WASF1: variants seen among roughly 807,000 people sequenced by gnomAD.
WASF1 encodes the protein WASP family member 1.
A neutral mutation model predicts 50.5 loss-of-function variants in WASF1; 7 were observed. The ratio of observed to expected loss-of-function variants is 0.14; its 90% CI spans 0.08 to 0.26. The LOEUF (loss-of-function observed/expected upper bound fraction) is 0.26, where lower values mean the gene tolerates loss of function less well. Among genes scored for constraint, WASF1 ranks in the 10% least tolerant of loss-of-function variants. The probability of loss-of-function intolerance (pLI) is 1.00; values close to 1 mark genes in which losing one functional copy is unlikely to be tolerated. For synonymous variants in WASF1, 205 were observed against 244.0 expected, an observed-to-expected ratio of 0.84 and a Z score of 1.49; for missense variants, 470 against 694.7, an observed-to-expected ratio of 0.68 and a Z score of 3.64.
intron 3 of WASF1, among the ~76,000 whole-genome samples, chr6:110,138,443 T>C (rs1356730043): frequency 1.3e-5 from 2 of 152,254 alleles, no homozygotes; most frequent in Non-Finnish European, 2.9e-5. Flanking sequence ...CTCTGTGTTA[T>C]AGCTCTTCCA....
Position 110,113,422 on chromosome 6 carries a change from C to T in WASF1, c.172G>A (p.Glu58Lys). 6.2e-7 allele frequency: 1 copy of T among 1,602,194 alleles called. No individual in the cohort carries two copies. Among genetic ancestry groups the T allele is most frequent in the Non-Finnish European group, 8.5e-7 (1 of 1,174,958 alleles). ...AEDIFGELFN[E>K]AHSFSFRVNS... ...ACTCTGAAGGAAAAACTATGTGCTT[C>T]ATTGAATAATTCTCCAAATATATCT... The change falls in exon 5 of 11, where the codon GAA becomes AAA. Residue 58 changes from glutamate to lysine, a missense_variant. Glu to Lys is a moderately conservative substitution (Grantham distance 56). This residue lies in a region of WASF1 where 140 missense variants were observed against 260.5 expected (regional missense o/e 0.54). Transcript: ENST00000392589.
At chr6:110,145,691 G>T (rs1265789267) in intron 3 of WASF1, among the ~76,000 whole-genome samples, 2 of 152,056 alleles carry the variant, frequency 1.3e-5, no homozygotes, top group Admixed American at 1.3e-4. Flanking sequence ...TTTTGTCAAA[G>T]GCCTTTTCTG....
intron 3 of WASF1, among the ~76,000 whole-genome samples, chr6:110,159,012 CT>C (rs1776148680): frequency 1.3e-5 from 2 of 151,916 alleles, no homozygotes; most frequent in South Asian, 4.1e-4. Flanking sequence ...GTTTCTTACA[CT>C]ATTTCAGTTT....
intron 4 of WASF1, among the ~76,000 whole-genome samples, chr6:110,123,930 T>A (rs984275831): frequency 2.0e-5 from 3 of 152,066 alleles, no homozygotes. Context: ...ATCCCTTAGG[T>A]ATTCAGAATC....
chr6:110,171,104 C>T (rs1776695181), intron 2 of WASF1, among the ~76,000 whole-genome samples: 1 of 152,106 alleles, frequency 6.6e-6, no homozygotes, highest in African/African-American at 2.4e-5. Flanking sequence ...TTATACAGTA[C>T]TTCAACCAAC....
chr6:110,143,932 T>C (rs929581850), intron 3 of WASF1, among the ~76,000 whole-genome samples: 3 of 152,242 alleles, frequency 2.0e-5, no homozygotes, highest in Non-Finnish European at 4.4e-5. Flanking sequence ...TACGTGTGCA[T>C]GTGTCTTTAT....
rs182250213 is a variant in WASF1, at chr6:110,122,292, A to G, written c.133+5177T>C. On this transcript the variant is annotated intron_variant, in intron 4 of 10. Transcript: ENST00000392589. Reference sequence around the variant, plus strand: ...AAGTGGTGTCAGAAAACAAATTGACATTAGAGAATCTGGCAAAAGCGTTCC... The same window carrying G: ...AAGTGGTGTCAGAAAACAAATTGACGTTAGAGAATCTGGCAAAAGCGTTCC... Among the ~76,000 whole-genome samples the G allele has an allele frequency of 1.2e-4, 18 of 152,010 alleles. No individual in the cohort carries two copies. The East Asian group carries it at 3.5e-3, about 29-fold the overall frequency.
rs752751701 is a variant in WASF1 at position 110,102,070 on chromosome 6, G to A, written c.1040C>T (p.Thr347Ile). The change falls in exon 10 of 11, where the codon ACT (threonine) becomes ATT (isoleucine). Residue 347 changes from threonine (T) to isoleucine (I), a missense_variant. Around this residue, in one of 3 missense-constraint regions of WASF1, gnomAD observed 294 missense variants for 343.5 expected, o/e 0.86. Coordinates refer to ENST00000392589, the MANE Select transcript of WASF1 (RefSeq NM_003931.3). ...TGGGGGAGGTACTGGAGGGGGAGGA[G>A]TTGAAGTCATTGAAGCTCTTAATGA... is the stretch of plus-strand genomic sequence containing the variant. ...TSSLRASMTS[T>I]PPPPVPPPPP... 31 of 1,514,650 alleles carry A rather than the reference G, an allele frequency of 2.0e-5. No individual in the cohort carries two copies. The highest frequency in any genetic ancestry group is 2.7e-5 in the Non-Finnish European group (31 of 1,132,954). The allele number at this position is 1,514,650 out of a possible 1,614,324, so 93.8% of individuals were successfully genotyped here.
At position 110,101,575 on chromosome 6, in the gene WASF1, C is replaced by A; in HGVS notation, c.1522+13G>T. ...TACTATAGCAATGCTTTTCATGGAGCTGAGAAAATTACCTTTTCGTATTGC... is the reference window on the plus strand; with the variant it reads ...TACTATAGCAATGCTTTTCATGGAGATGAGAAAATTACCTTTTCGTATTGC... On this transcript the variant is annotated intron_variant, in intron 10 of 10. Coordinates refer to ENST00000392589, the MANE Select transcript of WASF1 (RefSeq NM_003931.3). 2 of 1,595,610 alleles carry A rather than the reference C, an allele frequency of 1.3e-6. No individual in the cohort carries two copies. The highest frequency in any genetic ancestry group is 1.7e-5 in the Admixed American group (1 of 58,814).
rs1178883568 is a variant in WASF1 at position 110,117,844 on chromosome 6, G to T, written c.134-4384C>A. Among the ~76,000 whole-genome samples the T allele has an allele frequency of 2.0e-5, 3 of 152,138 alleles. No individual in the cohort carries two copies. In the East Asian group the frequency reaches 5.8e-4, roughly 29 times the overall value. On this transcript the variant is annotated intron_variant, in intron 4 of 10. Transcript: ENST00000392589. Reference sequence around the variant, plus strand: ...CAGAAACCCTACAAGCCAGAAGAGAGTGGGGGCCAATATTCAACATTCTTA... The same window carrying T: ...CAGAAACCCTACAAGCCAGAAGAGATTGGGGGCCAATATTCAACATTCTTA...
At chr6:110,129,305 A>G (rs1254773012) in intron 3 of WASF1, among the ~76,000 whole-genome samples, 2 of 152,148 alleles carry the variant, frequency 1.3e-5, no homozygotes, top group African/African-American at 4.8e-5. Flanking sequence ...AGCAAAAAAC[A>G]AAAAAACAAA....
chr6:110,162,335 A>G (rs1376058563), intron 2 of WASF1, among the ~76,000 whole-genome samples: 1 of 151,148 alleles, frequency 6.6e-6, no homozygotes, highest in Non-Finnish European at 1.5e-5. Context: ...AAGATTTGTC[A>G]CGCAGACAAC....
chr6:110,176,861 A>G (rs1776950548), intron 2 of WASF1, among the ~76,000 whole-genome samples: 1 of 152,074 alleles, frequency 6.6e-6, no homozygotes, highest in Non-Finnish European at 1.5e-5. Flanking sequence ...GTAACTTTAA[A>G]CACACTTTAA....
rs938752430 is a variant in WASF1, at chr6:110,179,488, C to A, written c.-321G>T. 5 of 152,156 alleles carry A rather than the reference C, an allele frequency of 3.3e-5. No homozygotes were observed. Among genetic ancestry groups the A allele is most frequent in the Non-Finnish European group, 5.9e-5 (4 of 68,058 alleles). 9.4% of individuals were successfully genotyped at this position (152,156 alleles called of 1,614,324 possible). ...TTACCCCTTCTTCATGCTTCGGCAG[C>A]GGTCGCCGGTCCCCCTCGGCTCGCG... On this transcript the variant is annotated 5_prime_UTR_variant, in exon 1 of 11. Transcript: ENST00000392589.
chr6:110,106,439 G>T (rs556565026), intron 7 of WASF1, among the ~76,000 whole-genome samples: 2 of 152,346 alleles, frequency 1.3e-5, no homozygotes, highest in African/African-American at 4.8e-5. Flanking sequence ...AGGAGAACCA[G>T]AGAGATGATA....
Position 110,113,269 on chromosome 6 carries a change from CA to C in WASF1, c.268+56del, listed in dbSNP as rs1197310789. ...GATTAATACTGTTAAGTATATCATTCATCTCATCTAACTTAAAATATATACG... is the reference window on the plus strand; with the variant it reads ...GATTAATACTGTTAAGTATATCATTCTCTCATCTAACTTAAAATATATACG... On this transcript the variant is annotated intron_variant, in intron 5 of 10. Transcript: ENST00000392589. 8 of 1,367,414 alleles carry C rather than the reference CA, an allele frequency of 5.9e-6. No homozygotes were observed. The African/African-American group carries it at 9.0e-5, about 15-fold the overall frequency. 84.7% of individuals were successfully genotyped at this position (1,367,414 alleles called of 1,614,324 possible).
intron 2 of WASF1, among the ~76,000 whole-genome samples, chr6:110,170,071 C>T (rs1024505968): frequency 1.3e-5 from 2 of 151,986 alleles, no homozygotes; most frequent in African/African-American, 4.8e-5. Context: ...GACTTCTCCT[C>T]GGTAATCATA....
At position 110,179,515 on chromosome 6, in the gene WASF1, G is replaced by A. The variant is rs1777112188; in HGVS notation, c.-348C>T. On this transcript the variant is annotated 5_prime_UTR_variant, in exon 1 of 11. Coordinates refer to ENST00000392589, the MANE Select transcript of WASF1 (RefSeq NM_003931.3). ...GTCGCCGGTCCCCCTCGGCTCGCGG[G>A]ACTCCGCCTAGAGCCCCCAGGAGGG... is the stretch of plus-strand genomic sequence containing the variant. The A allele has an allele frequency of 6.6e-6, 1 of 152,086 alleles. No homozygotes were observed. The highest frequency in any genetic ancestry group is 1.5e-5 in the Non-Finnish European group (1 of 68,052). The allele number at this position is 152,086 out of a possible 1,614,324, so 9.4% of individuals were successfully genotyped here.
At chr6:110,171,180 G>A (rs1374438163) in intron 2 of WASF1, among the ~76,000 whole-genome samples, 1 of 152,106 alleles carries the variant, frequency 6.6e-6, no homozygotes, top group East Asian at 1.9e-4. Flanking sequence ...TATATTCTGG[G>A]CCATAAAACA....
Sources: gnomAD v4.1 joint callset for allele counts (sites outside exome capture counted in the v4.1 genomes callset) on GRCh38, gnomAD v4.1.1 for gene constraint, gnomAD v4.1.1 regional missense constraint, MANE v1.5 for transcripts, NCBI Gene and HGNC (gene_info 2026-07-23, HGNC 2026-07-21) for gene names.